The following DOK7 variants were observed in gnomAD, a reference collection of about 807,000 sequenced individuals.
DOK7 encodes docking protein 7, also known as protein Dok-7.
Under a neutral mutation model 30.7 loss-of-function variants are expected in DOK7, and 32 were observed. That is an observed-to-expected ratio of 1.04 (90% CI 0.79 to 1.40). The LOEUF is 1.40. Among genes scored for constraint, DOK7 ranks in the 40% most tolerant of loss-of-function variants. The pLI, the probability that DOK7 is intolerant of heterozygous loss-of-function variation, is 0.00. For synonymous variants in DOK7, 447 were observed against 324.1 expected, an observed-to-expected ratio of 1.38 and a Z score of -4.07; for missense variants, 1,007 against 699.2, an observed-to-expected ratio of 1.44 and a Z score of -4.97.
downstream of DOK7, among the ~76,000 whole-genome samples, chr4:3,496,550 C>T (rs772453721): frequency 3.2e-4 from 49 of 152,350 alleles, no homozygotes; most frequent in Non-Finnish European, 6.0e-4. Context: ...CCCCAGATGC[C>T]GAGGCCTCCA....
downstream of DOK7, among the ~76,000 whole-genome samples, chr4:3,498,136 G>A (rs1729013932): frequency 6.6e-6 from 1 of 152,184 alleles, no homozygotes; most frequent in Non-Finnish European, 1.5e-5. Flanking sequence ...GCGGGGTCTG[G>A]GAGGAGAGTG....
chr4:3,498,314 C>T (rs948407267), downstream of DOK7, among the ~76,000 whole-genome samples: 1 of 152,110 alleles, frequency 6.6e-6, no homozygotes, highest in African/African-American at 2.4e-5. Flanking sequence ...CAGATACGGA[C>T]ACACTGCTGG....
chr4:3,486,179 T>G (rs1727776793), intron 5 of DOK7, among the ~76,000 whole-genome samples: 1 of 152,160 alleles, frequency 6.6e-6, no homozygotes, highest in Non-Finnish European at 1.5e-5. Flanking sequence ...TCTCGTCTTG[T>G]CTCACCCACA....
chr4:3,481,889 G>A (rs949212129), intron 4 of DOK7, among the ~76,000 whole-genome samples: 8 of 152,142 alleles, frequency 5.3e-5, no homozygotes, highest in African/African-American at 1.2e-4. Context: ...CACTGGAGAC[G>A]TGTTTCTCAG....
chr4:3,500,855 C>G (rs1465511105), exon 8 of DOK7: 11 of 1,512,172 alleles, frequency 7.3e-6, no homozygotes, highest in Non-Finnish European at 8.8e-6. Context: ...GACCGCAAAC[C>G]CGGTGCGCTG....
chr4:3,484,111 T>TGATGGTG (rs1560218736), intron 4 of DOK7, among the ~76,000 whole-genome samples: 1 of 152,176 alleles, frequency 6.6e-6, no homozygotes, highest in Non-Finnish European at 1.5e-5. Context: ...CGTGGCTGTG[T>TGATGGTG]GATGGTGGAC....
chr4:3,500,202 T>C, intron 6 of DOK7: 1 of 1,526,418 alleles, frequency 6.6e-7, no homozygotes, highest in Non-Finnish European at 8.8e-7. Flanking sequence ...CTTTGAGATC[T>C]GTGCCCCTCT....
intron 3 of DOK7, 29 bp from the exon 4 acceptor site, chr4:3,476,293 CCTCTCACCCTGCCCGCCCGT>C (rs1727079342): frequency 1.0e-6 from 1 of 985,230 alleles, no homozygotes; most frequent in African/African-American, 1.9e-5. Flanking sequence ...CCCGTGATGT[CCTCTCACCCTGCCCGCCCGT>C]GATGCCCTCT....
At chr4:3,500,740 C>T (rs774422072) in exon 8 of DOK7, 26 of 1,535,404 alleles carry the variant, frequency 1.7e-5, no homozygotes, top group South Asian at 5.9e-5. Flanking sequence ...GCCACCGAGA[C>T]GGCGCACAGA....
intron 5 of DOK7, among the ~76,000 whole-genome samples, chr4:3,488,576 G>A (rs1447387604): frequency 6.6e-6 from 1 of 152,198 alleles, no homozygotes; most frequent in Admixed American, 6.5e-5. Context: ...CCCAGGCTGG[G>A]GACTGTACCT....
At chr4:3,484,398 C>A (rs2006277) in intron 4 of DOK7, 383,942 of 685,738 alleles carry the variant, frequency 0.56, 109,264 homozygotes, top group East Asian at 0.93. Context: ...CCGAGATTTC[C>A]CTTCCCCCCA....
rs9684786 is a variant in DOK7, at chr4:3,493,368, G to C, written c.1382G>C (p.Gly461Ala). ...RRGLVMEAPQ[G>A]SEATLPGPAP... is the part of the protein sequence containing the mutation. ...GGCCTGGTGATGGAGGCCCCCCAGGGCAGCGAGGCCACACTGCCTGGCCCT... is the reference window on the plus strand; with the variant it reads ...GGCCTGGTGATGGAGGCCCCCCAGGCCAGCGAGGCCACACTGCCTGGCCCT... The change falls in exon 7 of 7, where the codon GGC becomes GCC. Residue 461 changes from glycine to alanine, a missense_variant. Coordinates refer to ENST00000340083, the MANE Select transcript of DOK7 (RefSeq NM_173660.5). 1.9e-6 allele frequency: 3 copies of C among 1,595,994 alleles called. No homozygotes were observed. The highest frequency in any genetic ancestry group is 1.7e-6 in the Non-Finnish European group (2 of 1,171,856).
chr4:3,471,233 G>A (rs915344645), intron 2 of DOK7, among the ~76,000 whole-genome samples: 3 of 152,248 alleles, frequency 2.0e-5, no homozygotes, highest in Non-Finnish European at 4.4e-5. Context: ...TGCACACAGG[G>A]CCTCCACACC....
intron 6 of DOK7, among the ~76,000 whole-genome samples, chr4:3,490,657 C>T (rs1344259518): frequency 6.2e-5 from 8 of 129,332 alleles, no homozygotes; most frequent in Non-Finnish European, 9.8e-5. Context: ...TTCCCTCCTG[C>T]TCATTCATTC....
At chr4:3,490,019 CTCAT>C (rs1370785116) in intron 6 of DOK7, among the ~76,000 whole-genome samples, 5 of 147,050 alleles carry the variant, frequency 3.4e-5, no homozygotes, top group South Asian at 2.2e-4. Flanking sequence ...TCTCCTCCTG[CTCAT>C]TCATTCCTTC....
chr4:3,494,161 C>G lies in DOK7; in HGVS notation c.*660C>G. The G allele has an allele frequency of 1.0e-6, 1 of 985,578 alleles. No individual in the cohort carries two copies. The highest frequency in any genetic ancestry group is 1.2e-6 in the Non-Finnish European group (1 of 830,026). The allele number at this position is 985,578 out of a possible 1,614,324, so 61.1% of individuals were successfully genotyped here. ...AGGTGGTGTCCTCAGAGCAGCCTCG[C>G]CTGCTGACCCCACTGGGAGAGGCGC... On this transcript the variant is annotated 3_prime_UTR_variant, in exon 7 of 7. Coordinates refer to ENST00000340083, the MANE Select transcript of DOK7 (RefSeq NM_173660.5).
intron 2 of DOK7, among the ~76,000 whole-genome samples, 151 bp downstream of exon 2, chr4:3,463,702 C>T (rs1726111590): frequency 1.3e-5 from 2 of 152,148 alleles, no homozygotes; most frequent in Non-Finnish European, 2.9e-5. Context: ...CCCCCCGGCG[C>T]CCCTGGGAGC....
chr4:3,497,241 G>A (rs1381614838), downstream of DOK7, among the ~76,000 whole-genome samples: 2 of 152,074 alleles, frequency 1.3e-5, no homozygotes, highest in African/African-American at 4.8e-5. Flanking sequence ...AGGGGGCATG[G>A]CAGGAAGGCA....
rs925131478 is a variant in DOK7, at chr4:3,481,441, G to A, written c.533-4098G>A. Among the ~76,000 whole-genome samples, 24 of 132,966 alleles carry A rather than the reference G, an allele frequency of 1.8e-4. 1 individual carries two copies. The highest frequency in any genetic ancestry group is 5.1e-4 in the African/African-American group (15 of 29,248). The allele number at this position is 132,966 out of a possible 152,430, so 87.2% of individuals were successfully genotyped here. A position where few individuals can be genotyped will look rare whatever the true frequency, so the allele number is the denominator to read the frequency against. On this transcript the variant is annotated intron_variant, in intron 4 of 6. Transcript: ENST00000340083. Reference sequence around the variant, plus strand: ...AAGGGGAGGAGGGCCGGCCCGGGAAGGGGGGGCCTTCTAGAGTGGTGCCCC... The same window carrying A: ...AAGGGGAGGAGGGCCGGCCCGGGAAAGGGGGGCCTTCTAGAGTGGTGCCCC...
Sources: allele counts gnomAD v4.1 joint callset (sites outside exome capture counted in the v4.1 genomes callset), GRCh38; gene constraint gnomAD v4.1.1; transcripts MANE v1.5; gene names NCBI Gene and HGNC (gene_info 2026-07-23, HGNC 2026-07-21).